TEX14: variants seen among roughly 807,000 people sequenced by gnomAD.
The protein encoded by TEX14 is inactive serine/threonine-protein kinase TEX14.
In TEX14, 168 loss-of-function variants were observed where a neutral mutation model predicts 178.6. That is an observed-to-expected ratio of 0.94 (90% CI 0.83 to 1.07). TEX14 has a LOEUF of 1.07. Among genes scored for constraint, TEX14 ranks in the 50% least tolerant of loss-of-function variants. The probability of loss-of-function intolerance (pLI) is 0.00; values close to 1 mark genes in which losing one functional copy is unlikely to be tolerated. For synonymous variants in TEX14, 626 were observed against 634.1 expected (o/e 0.99, Z 0.19); for missense variants, 1,730 against 1,753.6 (o/e 0.99, Z 0.24).
chr17:58,651,807 C>G, intron 2 of TEX14, 59 bp downstream of exon 2: 1 of 1,488,476 alleles, frequency 6.7e-7, no homozygotes. Flanking sequence ...TCCTTTTCCT[C>G]TGAACGCTAT....
At chr17:58,581,236 G>A (rs773964330) in intron 19 of TEX14, among the ~76,000 whole-genome samples, 2 of 150,486 alleles carry the variant, frequency 1.3e-5, no homozygotes, top group African/African-American at 2.5e-5. Flanking sequence ...GCTTGAACCC[G>A]GGAGGCAGAG....
intron 21 of TEX14, among the ~76,000 whole-genome samples, chr17:58,574,483 C>CT (rs1431923955): frequency 6.6e-6 from 1 of 151,958 alleles, no homozygotes; most frequent in African/African-American, 2.4e-5. Flanking sequence ...CGAGACCATC[C>CT]TGGCCAACAT....
chr17:58,644,150 A>G (rs931426577), intron 2 of TEX14, among the ~76,000 whole-genome samples: 2 of 152,142 alleles, frequency 1.3e-5, no homozygotes, highest in African/African-American at 4.8e-5. Context: ...ACCAATGACC[A>G]ATGATTTAAT....
intron 20 of TEX14, among the ~76,000 whole-genome samples, chr17:58,578,919 T>C (rs779341884): frequency 2.6e-5 from 4 of 152,228 alleles, no homozygotes; most frequent in Non-Finnish European, 5.9e-5. Context: ...GTTTAGACGG[T>C]TGAGACATGA....
At chr17:58,691,429 GA>G (rs2047718376) in intron 1 of TEX14, among the ~76,000 whole-genome samples, 1 of 151,884 alleles carries the variant, frequency 6.6e-6, no homozygotes. Context: ...AGCATTTTGG[GA>G]GGCCGAGGCA....
chr17:58,573,878 A>G (rs1010487773), intron 22 of TEX14, among the ~76,000 whole-genome samples: 3 of 152,204 alleles, frequency 2.0e-5, no homozygotes, highest in Admixed American at 6.5e-5. Flanking sequence ...CTAAAAATAA[A>G]CTATTTCCAT....
rs1567763574 is a variant in TEX14 at position 58,659,279 on chromosome 17, AGC to A, written c.-1-7279_-1-7278del. 5 of 922,178 alleles carry A rather than the reference AGC, an allele frequency of 5.4e-6. No individual in the cohort carries two copies. In the African/African-American group the frequency reaches 9.0e-5, roughly 17 times the overall value. 57.1% of individuals were successfully genotyped at this position (922,178 alleles called of 1,614,324 possible). A position where few individuals can be genotyped will look rare whatever the true frequency, so the allele number is the denominator to read the frequency against. On this transcript the variant is annotated intron_variant, in intron 1 of 31. Coordinates refer to ENST00000349033, the MANE Select transcript of TEX14 (RefSeq NM_031272.5). ...AGAAAAACACTTTATCAGGACCAACAGCGTCTCTCCCCCGCCACAAAGACATT... is the reference window on the plus strand; with the variant it reads ...AGAAAAACACTTTATCAGGACCAACAGTCTCTCCCCCGCCACAAAGACATT...
rs376903204 is a variant in TEX14, at chr17:58,676,421, G to A, written c.-2+15518C>T. ...AAAAAAAACACAAAAAAACCCAGGC[G>A]TGGTGGCAGGCGTCTGTAATCTCAG... On this transcript the variant is annotated intron_variant, in intron 1 of 31. Transcript: ENST00000349033. Among the ~76,000 whole-genome samples, 9 of 151,810 alleles carry A rather than the reference G, an allele frequency of 5.9e-5. 1 individual carries two copies. Among genetic ancestry groups the A allele is most frequent in the Admixed American group, 1.3e-4 (2 of 15,216 alleles).
At chr17:58,656,387 G>A (rs2046961191) in intron 1 of TEX14, among the ~76,000 whole-genome samples, 1 of 151,960 alleles carries the variant, frequency 6.6e-6, no homozygotes, top group Admixed American at 6.6e-5. Flanking sequence ...GGAGGTTGCA[G>A]TGAGCCGAGA....
chr17:58,674,905 G>A (rs2047368837), intron 1 of TEX14, among the ~76,000 whole-genome samples: 2 of 151,566 alleles, frequency 1.3e-5, no homozygotes, highest in Non-Finnish European at 2.9e-5. Context: ...AGCACTGTGG[G>A]AGGCTGAGGG....
intron 4 of TEX14, 92 bp downstream of exon 4, chr17:58,622,755 C>A (rs1267928952): frequency 1.6e-6 from 2 of 1,272,590 alleles, no homozygotes; most frequent in Non-Finnish European, 2.2e-6. Flanking sequence ...AATACTAAGG[C>A]CACTGTACGC....
chr17:58,591,737 T>G (rs1330385249), intron 15 of TEX14, among the ~76,000 whole-genome samples: 1 of 150,186 alleles, frequency 6.7e-6, no homozygotes, highest in Non-Finnish European at 1.5e-5. Context: ...AAAAAAAAAC[T>G]AAAACTGATA....
Position 58,572,081 on chromosome 17 carries a change from C to T in TEX14, c.3557G>A (p.Ser1186Asn). 6.2e-7 allele frequency: 1 copy of T among 1,614,136 alleles called. No individual in the cohort carries two copies. The highest frequency in any genetic ancestry group is 8.5e-7 in the Non-Finnish European group (1 of 1,179,998). ...CTCTGTCTTAACCTGAAATGTGATA[C>T]TTTCAAGGCAGTCTTTATACTGACT... ...AASQYKDCLE[S>N]ITFQVKTEFA... The change falls in exon 24 of 32, where the codon AGT (serine) becomes AAT (asparagine). Residue 1186 changes from serine (S) to asparagine (N), a missense_variant. Physicochemically the swap from Ser to Asn is conservative, Grantham distance 46. Transcript: ENST00000349033.
chr17:58,602,827 G>C (rs1235063104), intron 11 of TEX14, among the ~76,000 whole-genome samples: 1 of 151,950 alleles, frequency 6.6e-6, no homozygotes, highest in Non-Finnish European at 1.5e-5. Context: ...CAGCACTTTG[G>C]GAGGCCGAGG....
rs758175253 is a variant in TEX14 at position 58,588,021 on chromosome 17, G to T, written c.2577C>A (p.Ser859Arg). The T allele has an allele frequency of 7.6e-6, 8 of 1,058,574 alleles. No homozygotes were observed. The highest frequency in any genetic ancestry group is 1.2e-5 in the Non-Finnish European group (8 of 673,380). 65.6% of individuals were successfully genotyped at this position (1,058,574 alleles called of 1,614,324 possible). Reference protein sequence around the residue: ...LETSRIQNTSSQGRPRESTAQ... With the variant: ...LETSRIQNTSRQGRPRESTAQ... ...CAGTGGACTCTCTAGGTCTTCCCTGGCTAAGAAATGAAAGGACTGAGCTAT... is the reference window on the plus strand; with the variant it reads ...CAGTGGACTCTCTAGGTCTTCCCTGTCTAAGAAATGAAAGGACTGAGCTAT... The change falls in exon 16 of 32, where the codon AGC becomes AGA. Residue 859 changes from serine to arginine, a missense_variant and splice_region_variant. This residue lies in a region of TEX14 where 941 missense variants were observed against 1,072.4 expected (regional missense o/e 0.88). Coordinates refer to ENST00000349033, the MANE Select transcript of TEX14 (RefSeq NM_031272.5).
intron 14 of TEX14, among the ~76,000 whole-genome samples, chr17:58,598,050 A>G (rs2045331401): frequency 6.6e-6 from 1 of 152,170 alleles, no homozygotes; most frequent in African/African-American, 2.4e-5. Flanking sequence ...AAGGTGGCTC[A>G]TGCCTGTAAT....
At position 58,602,506 on chromosome 17, in the gene TEX14, A is replaced by C. The variant is rs1395881100; in HGVS notation, c.1421T>G (p.Leu474Arg). 6.2e-7 allele frequency: 1 copy of C among 1,614,060 alleles called. No individual in the cohort carries two copies. Among genetic ancestry groups the C allele is most frequent in the Non-Finnish European group, 8.5e-7 (1 of 1,180,022 alleles). ...AACAATATCATAGTAAGGTTTCGGA[A>C]GCCTGACATCAGCTTCTAAATAATT... ...SGNYLEADVR[L>R]PKPYYDIVKS... The change falls in exon 12 of 32, where the codon CTT becomes CGT. Residue 474 changes from leucine (L) to arginine (R), a missense_variant. This residue lies in a region of TEX14 where 789 missense variants were observed against 681.2 expected (regional missense o/e 1.16). Transcript: ENST00000349033.
At chr17:58,606,151 C>T (rs1057320355) in intron 10 of TEX14, among the ~76,000 whole-genome samples, 5 of 152,184 alleles carry the variant, frequency 3.3e-5, no homozygotes, top group African/African-American at 1.2e-4. Flanking sequence ...CCCAACCAGA[C>T]TCCTTAAGAG....
intron 2 of TEX14, among the ~76,000 whole-genome samples, chr17:58,638,577 T>C (rs1206275542): frequency 6.6e-6 from 1 of 151,962 alleles, no homozygotes; most frequent in Non-Finnish European, 1.5e-5. Context: ...TCACTCTTGT[T>C]ACCCAGGCTG....
Sources: gnomAD v4.1 joint callset for allele counts (sites outside exome capture counted in the v4.1 genomes callset) on GRCh38, gnomAD v4.1.1 for gene constraint, gnomAD v4.1.1 regional missense constraint, MANE v1.5 for transcripts, NCBI Gene and HGNC (gene_info 2026-07-23, HGNC 2026-07-21) for gene names.